CABIN1: variants seen among roughly 807,000 people sequenced by gnomAD.
The protein encoded by CABIN1 is calcineurin-binding protein cabin-1.
A neutral mutation model predicts 227.7 loss-of-function variants in CABIN1; 133 were observed. The ratio of observed to expected loss-of-function variants is 0.58; its 90% CI spans 0.51 to 0.67. CABIN1 has a LOEUF of 0.67. Among genes scored for constraint, CABIN1 ranks in the 30% least tolerant of loss-of-function variants. CABIN1 has a pLI of 0.00. For missense variants in CABIN1, 2,408 were observed against 2,852.5 expected, an observed-to-expected ratio of 0.84 and a Z score of 3.55; for synonymous variants, 1,086 against 1,155.1, an observed-to-expected ratio of 0.94 and a Z score of 1.21.
chr22:24,095,743 ACATT>A (rs1447208802), intron 24 of CABIN1, among the ~76,000 whole-genome samples, 184 bp from the exon 25 acceptor site: 3 of 152,216 alleles, frequency 2.0e-5, no homozygotes, highest in Non-Finnish European at 2.9e-5. Context: ...CTGACAGTAT[ACATT>A]TTAATTTTCA....
At chr22:24,162,108 G>C (rs1414025086) in intron 29 of CABIN1, 1 of 152,278 alleles carries the variant, frequency 6.6e-6, no homozygotes, top group Non-Finnish European at 1.5e-5. Context: ...CAGTTGGCTT[G>C]CTACCACCCT....
At chr22:24,044,989 G>A (rs527504506) in intron 6 of CABIN1, among the ~76,000 whole-genome samples, 67 of 149,654 alleles carry the variant, frequency 4.5e-4, no homozygotes, top group African/African-American at 1.5e-3. Context: ...GTGCGATCTC[G>A]GCTTATCGCA....
chr22:24,026,593 C>A (rs1478731460), intron 1 of CABIN1, among the ~76,000 whole-genome samples: 2 of 150,772 alleles, frequency 1.3e-5, no homozygotes, highest in African/African-American at 2.5e-5. Context: ...TTTCTTTTTT[C>A]TTTTTGAATA....
chr22:24,136,524 AT>A lies in CABIN1; in HGVS notation c.4746+2133del, dbSNP rs145864566. Among the ~76,000 whole-genome samples the A allele has an allele frequency of 5.0e-3, 348 of 69,872 alleles. 9 individuals carry two copies. Among genetic ancestry groups the A allele is most frequent in the African/African-American group, 0.013 (211 of 16,478 alleles). 45.8% of individuals were successfully genotyped at this position (69,872 alleles called of 152,430 possible). The stretch of plus-strand genomic sequence containing the variant: ...ACTGCCACGCCCAGCTAATTTTTGT[AT>A]TTTTTTTTTTTTTTTTTTTTTTTAG... On this transcript the variant is annotated intron_variant, in intron 29 of 36. Coordinates refer to ENST00000263119, the MANE Select transcript of CABIN1 (RefSeq NM_012295.4).
intron 29 of CABIN1, among the ~76,000 whole-genome samples, chr22:24,136,524 A>ATTTTTT (rs145864566): frequency 0.022 from 1,518 of 69,826 alleles, 151 homozygotes; most frequent in African/African-American, 0.088. Flanking sequence ...TAATTTTTGT[A>ATTTTTT]TTTTTTTTTT....
chr22:24,164,414 C>T lies in CABIN1; in HGVS notation c.4761C>T (p.Ile1587=), dbSNP rs375668776. The T allele has an allele frequency of 1.2e-6, 2 of 1,603,868 alleles. No homozygotes were observed. Among genetic ancestry groups the T allele is most frequent in the South Asian group, 2.2e-5 (2 of 91,074 alleles). The part of the protein sequence containing the change: ...KTNFFNGIWR[I]PVDEIDRPGS... ...CCATCCCACAGGGCATCTGGCGGAT[C>T]CCCGTGGACGAGATTGACCGGCCGG... Residue 1587 remains isoleucine (I), a synonymous_variant, in exon 30 of 37, where the codon ATC becomes ATT. Coordinates refer to ENST00000263119, the MANE Select transcript of CABIN1 (RefSeq NM_012295.4).
chr22:24,017,204 T>C (rs925318391), intron 1 of CABIN1, among the ~76,000 whole-genome samples: 2 of 151,736 alleles, frequency 1.3e-5, no homozygotes, highest in African/African-American at 2.4e-5. Flanking sequence ...GCCCAGCCAA[T>C]TTTTTTGTAT....
At chr22:24,120,844 A>G (rs1477572525) in intron 28 of CABIN1, among the ~76,000 whole-genome samples, 2 of 152,152 alleles carry the variant, frequency 1.3e-5, no homozygotes, top group African/African-American at 4.8e-5. Flanking sequence ...AAATAAAAAC[A>G]TGCAGATGAG....
intron 24 of CABIN1, among the ~76,000 whole-genome samples, chr22:24,094,496 C>G (rs752664347): frequency 7.2e-5 from 11 of 152,196 alleles, no homozygotes; most frequent in Non-Finnish European, 1.5e-4. Context: ...TTTGAGTCAG[C>G]TGGTAAATAT....
intron 19 of CABIN1, 26 bp downstream of exon 19, chr22:24,076,310 A>T (rs552050185): frequency 1.3e-6 from 2 of 1,568,698 alleles, no homozygotes; most frequent in African/African-American, 1.3e-5. Context: ...TGGGCTGCAG[A>T]CTGCCAGTGC....
Position 24,049,300 on chromosome 22 carries a change from C to T in CABIN1, c.656+80C>T. On this transcript the variant is annotated intron_variant, in intron 7 of 36. Transcript: ENST00000263119. ...AGGTCAGGAGCACACCACATTCTCC[C>T]CTCAGGTCCCATGGATGGAGCCCCT... The T allele has an allele frequency of 4.5e-6, 7 of 1,540,456 alleles. No individual in the cohort carries two copies. In the South Asian group the frequency reaches 7.9e-5, roughly 17 times the overall value.
At chr22:24,168,728 T>TG (rs2046608873) in intron 33 of CABIN1, among the ~76,000 whole-genome samples, 2 of 152,188 alleles carry the variant, frequency 1.3e-5, no homozygotes, top group Non-Finnish European at 2.9e-5. Context: ...AGTTCAGACA[T>TG]GCTGAGGGGT....
At chr22:24,078,125 G>A (rs1601945343) in intron 19 of CABIN1, among the ~76,000 whole-genome samples, 1 of 152,186 alleles carries the variant, frequency 6.6e-6, no homozygotes, top group Non-Finnish European at 1.5e-5. Flanking sequence ...TTTTCAAAGA[G>A]GCTTTTCTCT....
chr22:24,074,045 A>G (rs570600926), intron 18 of CABIN1, among the ~76,000 whole-genome samples: 137 of 151,984 alleles, frequency 9.0e-4, no homozygotes, highest in African/African-American at 3.2e-3. Flanking sequence ...ATTTCTAGGA[A>G]TGAATATCTT....
chr22:24,128,122 G>A (rs1235144423), intron 28 of CABIN1, among the ~76,000 whole-genome samples: 2 of 152,108 alleles, frequency 1.3e-5, no homozygotes, highest in Non-Finnish European at 2.9e-5. Flanking sequence ...TCCCTCCCCA[G>A]GCAACTCTCA....
intron 29 of CABIN1, among the ~76,000 whole-genome samples, chr22:24,157,538 C>CT (rs2045907740): frequency 1.3e-5 from 2 of 152,222 alleles, no homozygotes; most frequent in South Asian, 2.1e-4. Flanking sequence ...GAACAAGTCT[C>CT]TCCCCCAGCA....
intron 28 of CABIN1, among the ~76,000 whole-genome samples, chr22:24,121,234 G>A (rs1283299974): frequency 1.3e-5 from 2 of 152,226 alleles, no homozygotes; most frequent in South Asian, 2.1e-4. Context: ...GCCCTGGCTT[G>A]GCACTGGCTA....
At chr22:24,072,648 C>T (rs2040174994) in intron 18 of CABIN1, 138 bp downstream of exon 18, 1 of 1,065,538 alleles carries the variant, frequency 9.4e-7, no homozygotes, top group South Asian at 1.4e-5. Flanking sequence ...TTTGCATGCG[C>T]TTGGACAGAG....
intron 19 of CABIN1, among the ~76,000 whole-genome samples, chr22:24,077,428 C>T (rs186660143): frequency 1.3e-5 from 2 of 152,268 alleles, no homozygotes; most frequent in African/African-American, 2.4e-5. Flanking sequence ...TAGAGCTTGA[C>T]AGTTTGCAAG....
Sources: gnomAD v4.1 joint callset for allele counts (sites outside exome capture counted in the v4.1 genomes callset) on GRCh38, gnomAD v4.1.1 for gene constraint, MANE v1.5 for transcripts, NCBI Gene and HGNC (gene_info 2026-07-23, HGNC 2026-07-21) for gene names.